DNAJC9: variants seen among roughly 807,000 people sequenced by gnomAD.
The protein encoded by DNAJC9 is DnaJ heat shock protein family (Hsp40) member C9.
Under a neutral mutation model 32.4 loss-of-function variants are expected in DNAJC9, and 18 were observed. The observed-to-expected ratio is 0.56, with a 90% CI of 0.38 to 0.82. The LOEUF is 0.82. Among genes scored for constraint, DNAJC9 ranks in the 40% least tolerant of loss-of-function variants. The probability of loss-of-function intolerance (pLI) is 0.00; values close to 1 mark genes in which losing one functional copy is unlikely to be tolerated. For synonymous variants in DNAJC9, 113 were observed against 122.1 expected, an observed-to-expected ratio of 0.93 and a Z score of 0.49; for missense variants, 310 against 321.8, an observed-to-expected ratio of 0.96 and a Z score of 0.28.
intron 3 of DNAJC9, among the ~76,000 whole-genome samples, chr10:73,244,926 G>T (rs79102091): frequency 0.048 from 7,315 of 152,136 alleles, 541 homozygotes; most frequent in African/African-American, 0.16. Flanking sequence ...CCTAAGGTTT[G>T]TTGAACAGTC....
chr10:73,234,602 C>A, downstream of DNAJC9: 1 of 533,504 alleles, frequency 1.9e-6, no homozygotes, highest in Non-Finnish European at 3.3e-6. Flanking sequence ...CTGTTGTGTA[C>A]CCAGAGTATA....
At chr10:73,240,064 A>G (rs537079545), downstream of DNAJC9, among the ~76,000 whole-genome samples, 17 of 152,264 alleles carry the variant, frequency 1.1e-4, no homozygotes, top group African/African-American at 3.9e-4. Flanking sequence ...AGCTAGGGCT[A>G]CAAGCAGTGC....
chr10:73,239,652 CTT>C (rs34824883), downstream of DNAJC9, among the ~76,000 whole-genome samples: 408 of 140,502 alleles, frequency 2.9e-3, 3 homozygotes, highest in African/African-American at 9.7e-3. Context: ...GGTAAACTGC[CTT>C]TTTTTTTTTT....
chr10:73,237,392 AT>A (rs1175920078), downstream of DNAJC9, among the ~76,000 whole-genome samples: 1 of 152,002 alleles, frequency 6.6e-6, no homozygotes, highest in Non-Finnish European at 1.5e-5. Context: ...GTACTTGATG[AT>A]TATATTACAC....
At position 73,243,320 on chromosome 10, in the gene DNAJC9, T is replaced by G. The variant is rs2043974577; in HGVS notation, c.*80A>C. ...ACCTTTTCTCAAGAGCTGAATTGAC[T>G]TTTGCCTTCAAATCCTGCCTGCACC... On this transcript the variant is annotated 3_prime_UTR_variant, in exon 5 of 5. Coordinates refer to ENST00000372950, the MANE Select transcript of DNAJC9 (RefSeq NM_015190.5). The G allele has an allele frequency of 6.5e-7, 1 of 1,538,072 alleles. No homozygotes were observed. The highest frequency in any genetic ancestry group is 1.4e-5 in the African/African-American group (1 of 72,916).
downstream of DNAJC9, chr10:73,234,757 T>C: frequency 6.6e-7 from 1 of 1,521,764 alleles, no homozygotes; most frequent in South Asian, 1.2e-5. Context: ...CTAATCAATT[T>C]GCTGGTATTG....
At chr10:73,246,637 T>G in intron 2 of DNAJC9, 51 bp downstream of exon 2, 1 of 1,597,512 alleles carries the variant, frequency 6.3e-7, no homozygotes, top group Non-Finnish European at 8.6e-7. Flanking sequence ...AATAAAGGTT[T>G]GTTGATTGAA....
chr10:73,242,231 C>T lies in DNAJC9; in HGVS notation c.*1169G>A, dbSNP rs1232377555. On this transcript the variant is annotated 3_prime_UTR_variant, in exon 5 of 5. Coordinates refer to ENST00000372950, the MANE Select transcript of DNAJC9 (RefSeq NM_015190.5). ...GTCGTCTTTACCTTAGAGCTAAAGG[C>T]TTACTTTATGCATACGGTATATTTA... is the stretch of plus-strand genomic sequence containing the variant. 1 of 152,112 alleles carries T rather than the reference C, an allele frequency of 6.6e-6. No homozygotes were observed. Among genetic ancestry groups the T allele is most frequent in the Non-Finnish European group, 1.5e-5 (1 of 68,016 alleles). 9.4% of individuals were successfully genotyped at this position (152,112 alleles called of 1,614,324 possible). A position where few individuals can be genotyped will look rare whatever the true frequency, so the allele number is the denominator to read the frequency against.
intron 2 of DNAJC9, chr10:73,232,925 G>C (rs918868248): frequency 2.7e-6 from 4 of 1,465,180 alleles, no homozygotes; most frequent in Non-Finnish European, 3.7e-6. Flanking sequence ...GTGGGTTTCT[G>C]ATTTGGCTAC....
chr10:73,234,881 C>T (rs796588524), downstream of DNAJC9: 83 of 1,551,800 alleles, frequency 5.3e-5, 1 homozygote, highest in Admixed American at 1.4e-3. Context: ...TAATCTGCTA[C>T]CACCTATTGG....
chr10:73,236,775 T>G (rs1380619995), downstream of DNAJC9, among the ~76,000 whole-genome samples: 1 of 148,908 alleles, frequency 6.7e-6, no homozygotes, highest in Non-Finnish European at 1.5e-5. Flanking sequence ...CAGGCTGGAG[T>G]GCAGAGCACA....
downstream of DNAJC9, chr10:73,234,594 G>A (rs2043780616): frequency 7.8e-6 from 4 of 513,278 alleles, no homozygotes; most frequent in South Asian, 6.9e-5. Context: ...GCCAGCTTCT[G>A]TTGTGTACCC....
At chr10:73,235,977 C>T (rs925439772), downstream of DNAJC9, among the ~76,000 whole-genome samples, 3 of 152,120 alleles carry the variant, frequency 2.0e-5, no homozygotes, top group Non-Finnish European at 2.9e-5. Context: ...GCTGGGAGCT[C>T]GACCCCACAT....
Position 73,246,834 on chromosome 10 carries a change from G to A in DNAJC9, c.181-6C>T, listed in dbSNP as rs200981888. The A allele has an allele frequency of 9.3e-6, 15 of 1,613,878 alleles. No individual in the cohort carries two copies. In the East Asian group the frequency reaches 2.7e-4, roughly 29 times the overall value. ...GAATAGACTTTTCCCAGGATCTGAGGGCAAAGAGTATCCGTAAATCACCCC... is the reference window on the plus strand; with the variant it reads ...GAATAGACTTTTCCCAGGATCTGAGAGCAAAGAGTATCCGTAAATCACCCC... On this transcript the variant is annotated splice_polypyrimidine_tract_variant and splice_region_variant and intron_variant, in intron 1 of 4. Transcript: ENST00000372950.
At chr10:73,244,054 G>A (rs935601196) in intron 3 of DNAJC9, 125 bp from the exon 4 acceptor site, 17 of 715,960 alleles carry the variant, frequency 2.4e-5, no homozygotes, top group Admixed American at 3.0e-5. Context: ...AAAATGAATC[G>A]AATTACATAA....
downstream of DNAJC9, among the ~76,000 whole-genome samples, chr10:73,236,728 T>TC (rs1210506110): frequency 6.7e-6 from 1 of 149,022 alleles, no homozygotes; most frequent in Non-Finnish European, 1.5e-5. Context: ...TTCTTTTCTT[T>TC]TTTTTTTTTT....
intron 1 of DNAJC9, 67 bp downstream of exon 1, chr10:73,246,943 C>G (rs1589207355): frequency 2.6e-6 from 4 of 1,568,554 alleles, no homozygotes; most frequent in Non-Finnish European, 3.5e-6. Context: ...CGGGGCGGGG[C>G]CCGGTAGCCA....
chr10:73,241,158 C>G, downstream of DNAJC9: 1 of 646,986 alleles, frequency 1.5e-6, no homozygotes, highest in Non-Finnish European at 2.8e-6. Context: ...CACAAGTGAC[C>G]GAAGAACAAA....
At chr10:73,237,927 G>A (rs549947669), downstream of DNAJC9, among the ~76,000 whole-genome samples, 4 of 152,022 alleles carry the variant, frequency 2.6e-5, no homozygotes, top group East Asian at 7.7e-4. Context: ...GAATAAAACT[G>A]AACAGATGAA....
Sources: allele counts gnomAD v4.1 joint callset (sites outside exome capture counted in the v4.1 genomes callset), GRCh38; gene constraint gnomAD v4.1.1; transcripts MANE v1.5; gene names NCBI Gene and HGNC (gene_info 2026-07-23, HGNC 2026-07-21).